SOX6: variants seen among roughly 807,000 people sequenced by gnomAD.
SOX6 encodes SRY-box transcription factor 6.
In SOX6, 11 loss-of-function variants were observed where a neutral mutation model predicts 97.8. The observed-to-expected ratio is 0.11, with a 90% CI of 0.07 to 0.19. The LOEUF (loss-of-function observed/expected upper bound fraction) is 0.19, where lower values mean the gene tolerates loss of function less well. Among genes scored for constraint, SOX6 ranks in the 10% least tolerant of loss-of-function variants. The pLI, the probability that SOX6 is intolerant of heterozygous loss-of-function variation, is 1.00. For synonymous variants in SOX6, 360 were observed against 371.4 expected, an observed-to-expected ratio of 0.97 and a Z score of 0.35; for missense variants, 810 against 1,039.5, an observed-to-expected ratio of 0.78 and a Z score of 3.04.
At chr11:15,999,723 G>C (rs187304034) in intron 13 of SOX6, among the ~76,000 whole-genome samples, 2 of 152,122 alleles carry the variant, frequency 1.3e-5, no homozygotes, top group East Asian at 3.9e-4. Flanking sequence ...AACTATAATT[G>C]ATTGCTTATG....
At chr11:16,366,426 C>G (rs1004775023) in intron 1 of SOX6, among the ~76,000 whole-genome samples, 1 of 152,066 alleles carries the variant, frequency 6.6e-6, no homozygotes, top group Non-Finnish European at 1.5e-5. Context: ...GAAAAAGATG[C>G]AAATAATCTC....
intron 3 of SOX6, among the ~76,000 whole-genome samples, chr11:16,667,580 T>C (rs192351157): frequency 6.6e-6 from 1 of 151,590 alleles, no homozygotes; most frequent in African/African-American, 2.4e-5. Flanking sequence ...TAGAATAGTG[T>C]ATCCAGTGAA....
At chr11:16,601,620 G>T (rs1023813424) in intron 4 of SOX6, among the ~76,000 whole-genome samples, 2 of 152,058 alleles carry the variant, frequency 1.3e-5, no homozygotes, top group Non-Finnish European at 2.9e-5. Flanking sequence ...TTAAAAGTAG[G>T]TGTTAAAGCC....
At chr11:16,526,294 T>C (rs1195464528) in intron 4 of SOX6, among the ~76,000 whole-genome samples, 1 of 152,156 alleles carries the variant, frequency 6.6e-6, no homozygotes, top group East Asian at 1.9e-4. Context: ...CATGGAATAC[T>C]ATGCAGCCAT....
At chr11:16,598,274 C>G (rs1848233240) in intron 4 of SOX6, among the ~76,000 whole-genome samples, 1 of 151,968 alleles carries the variant, frequency 6.6e-6, no homozygotes, top group African/African-American at 2.4e-5. Flanking sequence ...AGGAGAGGAG[C>G]TGACTTCTCA....
At chr11:16,042,700 C>T (rs1215987143) in intron 12 of SOX6, among the ~76,000 whole-genome samples, 1 of 152,078 alleles carries the variant, frequency 6.6e-6, no homozygotes, top group Non-Finnish European at 1.5e-5. Context: ...ATGTAATGCT[C>T]CCTCCAATTC....
intron 3 of SOX6, among the ~76,000 whole-genome samples, chr11:16,708,232 G>A (rs1000663338): frequency 5.3e-5 from 8 of 152,130 alleles, no homozygotes; most frequent in African/African-American, 1.7e-4. Flanking sequence ...TTGATCTTAC[G>A]TTTGTTTATG....
chr11:16,631,443 C>T (rs1037816438), intron 3 of SOX6, among the ~76,000 whole-genome samples: 5 of 152,194 alleles, frequency 3.3e-5, no homozygotes, highest in South Asian at 2.1e-4. Flanking sequence ...AAAGTTTCTA[C>T]TGAAAAGTCC....
chr11:16,136,375 A>G (rs1462217262), intron 6 of SOX6, among the ~76,000 whole-genome samples: 2 of 145,950 alleles, frequency 1.4e-5, no homozygotes, highest in African/African-American at 5.0e-5. Flanking sequence ...ACATAATGCA[A>G]TTGCACACTT....
At chr11:16,228,396 G>A (rs1460871955) in intron 4 of SOX6, among the ~76,000 whole-genome samples, 1 of 152,060 alleles carries the variant, frequency 6.6e-6, no homozygotes, top group Non-Finnish European at 1.5e-5. Flanking sequence ...GCCAATTATA[G>A]CATTCTATCC....
chr11:16,677,914 A>T (rs1564866685), intron 3 of SOX6, among the ~76,000 whole-genome samples: 1 of 152,154 alleles, frequency 6.6e-6, no homozygotes, highest in Non-Finnish European at 1.5e-5. Context: ...ATTTCTTCTT[A>T]AGTAAGCTCT....
chr11:16,377,339 G>A (rs1857670129), intron 1 of SOX6, among the ~76,000 whole-genome samples: 1 of 152,056 alleles, frequency 6.6e-6, no homozygotes. Context: ...TCCCAGATAT[G>A]CAAGGACAAA....
chr11:16,722,705 C>T (rs1430101531), intron 2 of SOX6, among the ~76,000 whole-genome samples: 1 of 151,982 alleles, frequency 6.6e-6, no homozygotes, highest in African/African-American at 2.4e-5. Flanking sequence ...AACATACATG[C>T]AGCCAATGAG....
At chr11:16,427,840 TA>T (rs1859181248) in intron 1 of SOX6, among the ~76,000 whole-genome samples, 1 of 152,222 alleles carries the variant, frequency 6.6e-6, no homozygotes, top group Non-Finnish European at 1.5e-5. Context: ...TTTGGGTATA[TA>T]CCCAGTAATG....
Position 16,473,387 on chromosome 11 carries a change from C to A in SOX6, c.-5+2928G>T, listed in dbSNP as rs115219217. Among the ~76,000 whole-genome samples the A allele has an allele frequency of 7.5e-3, 1,136 of 152,156 alleles. 14 individuals are homozygous for A. The highest frequency in any genetic ancestry group is 0.025 in the African/African-American group (1,020 of 41,508). On this transcript the variant is annotated intron_variant, in intron 1 of 15. Transcript: ENST00000396356. ...TGAAGTCTAAGAAACAATGTATATA[C>A]CTCAATTAAAAATACTTTATTGCTA...
At chr11:16,606,889 G>T (rs1848340605) in intron 4 of SOX6, among the ~76,000 whole-genome samples, 1 of 152,126 alleles carries the variant, frequency 6.6e-6, no homozygotes, top group South Asian at 2.1e-4. Context: ...GGAACAAGGC[G>T]CAACTCTCCA....
intron 6 of SOX6, among the ~76,000 whole-genome samples, chr11:16,163,365 A>G (rs1850803942): frequency 1.3e-5 from 2 of 152,196 alleles, no homozygotes; most frequent in Admixed American, 1.3e-4. Context: ...GATCCTATAG[A>G]TTTTTACTAT....
At chr11:16,472,583 T>C (rs1860157267) in intron 1 of SOX6, among the ~76,000 whole-genome samples, 1 of 152,156 alleles carries the variant, frequency 6.6e-6, no homozygotes, top group African/African-American at 2.4e-5. Context: ...TAATAAAATG[T>C]AAATTGATAG....
intron 3 of SOX6, among the ~76,000 whole-genome samples, chr11:16,612,699 C>T (rs1848413981): frequency 6.6e-6 from 1 of 152,046 alleles, no homozygotes; most frequent in Non-Finnish European, 1.5e-5. Flanking sequence ...CGAACTAAGA[C>T]AATGTGTGTC....
Sources: gnomAD v4.1 joint callset for allele counts (sites outside exome capture counted in the v4.1 genomes callset) on GRCh38, gnomAD v4.1.1 for gene constraint, MANE v1.5 for transcripts, NCBI Gene and HGNC (gene_info 2026-07-23, HGNC 2026-07-21) for gene names.